Variants in ECPAS observed in about 807,000 individuals in gnomAD.
ECPAS encodes the protein Ecm29 proteasome adaptor and scaffold.
ECPAS carries 70 observed loss-of-function variants against 255.1 expected under a neutral mutation model. The ratio of observed to expected loss-of-function variants is 0.27; its 90% confidence interval spans 0.23 to 0.33. ECPAS has a LOEUF of 0.33. Ranked by LOEUF, ECPAS falls within the 10% of genes least tolerant of loss-of-function variation. The pLI is 1.00. For synonymous variants in ECPAS, 784 were observed against 775.0 expected (o/e 1.01, Z -0.19); for missense variants, 1,817 against 2,206.4 (o/e 0.82, Z 3.54).
chr9:111,478,092 G>T (rs1000835705), intron 1 of ECPAS, among the ~76,000 whole-genome samples: 7 of 151,090 alleles, frequency 4.6e-5, no homozygotes, highest in Non-Finnish European at 1.0e-4. Context: ...GTAGTAACAG[G>T]GTTTCACCAT....
At chr9:111,468,628 TGAGAGAGAGA>T (rs199930694) in intron 2 of ECPAS, among the ~76,000 whole-genome samples, 2 of 139,966 alleles carry the variant, frequency 1.4e-5, no homozygotes, top group African/African-American at 2.6e-5. Context: ...AGAGAGTGAG[TGAGAGAGAGA>T]GAGAGAGAGA....
At position 111,416,356 on chromosome 9, in the gene ECPAS, A is replaced by G. The variant is rs1320885132; in HGVS notation, c.1684-4T>C. 1 of 1,611,554 alleles carries G rather than the reference A, an allele frequency of 6.2e-7. No homozygotes were observed. Among genetic ancestry groups the G allele is most frequent in the East Asian group, 2.2e-5 (1 of 44,838 alleles). ...GAGTTTTCATTCGATGAGAAGCCTA[A>G]GTTTAAAAAGTCCAAAACAGACACA... On this transcript the variant is annotated splice_region_variant and splice_polypyrimidine_tract_variant and intron_variant, in intron 17 of 49. Transcript: ENST00000684092.
At chr9:111,453,478 T>C (rs531177860) in intron 2 of ECPAS, among the ~76,000 whole-genome samples, 24 of 151,992 alleles carry the variant, frequency 1.6e-4, no homozygotes, top group African/African-American at 5.3e-4. Flanking sequence ...CAAAATAATA[T>C]ATGTGGCTAT....
chr9:111,378,634 TACA>T lies in ECPAS; in HGVS notation c.3897_3899del (p.Ser1299_Val1300delinsArg), dbSNP rs750678591. ...AATAATTGAGAACTTGGGGCTCCAA[TACA>T]CTTAAGGACTCTAGCAGAGCTGGAA... On this transcript the variant is annotated inframe_deletion, in exon 36 of 50. Transcript: ENST00000684092. 6.2e-7 allele frequency: 1 copy of T among 1,613,818 alleles called. No individual in the cohort carries two copies. Among genetic ancestry groups the T allele is most frequent in the Admixed American group, 1.7e-5 (1 of 60,022 alleles).
Position 111,417,926 on chromosome 9 carries a change from T to C in ECPAS, c.1640A>G (p.Gln547Arg). 1 of 1,591,680 alleles carries C rather than the reference T, an allele frequency of 6.3e-7. No homozygotes were observed. Among genetic ancestry groups the C allele is most frequent in the Non-Finnish European group, 8.6e-7 (1 of 1,167,960 alleles). ...AACCATTTCTGGGAAGGAAGGCATC[T>C]GCTCAGAAGTACTTTCTTTTCTGTT... ...GRNRKESTSE[Q>R]MPSFPEMVYY... is the part of the protein sequence containing the mutation. The change falls in exon 17 of 50, where the codon CAG (glutamine) becomes CGG (arginine). Residue 547 changes from glutamine (Q) to arginine (R), a missense_variant. By Grantham distance (43) the Gln-to-Arg change is conservative. Transcript: ENST00000684092.
At chr9:111,421,409 A>ATGTGTGTGTGTG (rs71372622) in intron 15 of ECPAS, among the ~76,000 whole-genome samples, 23 of 143,432 alleles carry the variant, frequency 1.6e-4, no homozygotes, top group South Asian at 4.5e-4. Flanking sequence ...TATTACATAT[A>ATGTGTGTGTGTG]TGTGTGTGTG....
intron 48 of ECPAS, among the ~76,000 whole-genome samples, chr9:111,364,573 T>C (rs772644958): frequency 6.6e-5 from 10 of 152,072 alleles, no homozygotes; most frequent in South Asian, 2.1e-4. Flanking sequence ...TTAGTAAAAA[T>C]TGGTTCAGGG....
intron 31 of ECPAS, among the ~76,000 whole-genome samples, chr9:111,388,258 A>T (rs921013141): frequency 2.0e-5 from 3 of 151,202 alleles, no homozygotes; most frequent in Admixed American, 1.3e-4. Context: ...TCTCATCCAC[A>T]CTTGTGGCTT....
chr9:111,433,300 T>A lies in ECPAS; in HGVS notation c.781A>T (p.Ile261Phe). 1 of 1,613,990 alleles carries A rather than the reference T, an allele frequency of 6.2e-7. No homozygotes were observed. The highest frequency in any genetic ancestry group is 2.2e-5 in the East Asian group (1 of 44,882). The change falls in exon 8 of 50, where the codon ATT becomes TTT. Residue 261 changes from isoleucine (I) to phenylalanine (F), a missense_variant. By Grantham distance (21) the Ile-to-Phe change is conservative. Around this residue, in one of 4 missense-constraint regions of ECPAS, gnomAD observed 573 missense variants for 716.2 expected, o/e 0.80. Coordinates refer to ENST00000684092, the MANE Select transcript of ECPAS (RefSeq NM_001364929.1). ...PELEAVLHLV[I>F]ASSDTRHSVA... Reference sequence around the variant, plus strand: ...CTGTGGCGTGTATCACTAGAGGCAATCACCAAGTGGAGAACAGCTTCAAGT... The same window carrying A: ...CTGTGGCGTGTATCACTAGAGGCAAACACCAAGTGGAGAACAGCTTCAAGT...
chr9:111,463,135 T>C (rs951133799), intron 2 of ECPAS, among the ~76,000 whole-genome samples: 25 of 152,210 alleles, frequency 1.6e-4, no homozygotes. Context: ...GTTTCTCACT[T>C]AGACCATGCC....
At chr9:111,465,984 G>A (rs35038820) in intron 2 of ECPAS, among the ~76,000 whole-genome samples, 30 of 151,678 alleles carry the variant, frequency 2.0e-4, no homozygotes, top group Non-Finnish European at 2.8e-4. Context: ...CAGTGAGCTA[G>A]ATCATGCCTC....
At chr9:111,432,892 C>G (rs983456028) in intron 8 of ECPAS, among the ~76,000 whole-genome samples, 5 of 152,020 alleles carry the variant, frequency 3.3e-5, no homozygotes, top group African/African-American at 1.2e-4. Flanking sequence ...AAAGTAATCT[C>G]GAATGGTTTG....
chr9:111,472,595 G>T (rs2098290105), intron 2 of ECPAS, among the ~76,000 whole-genome samples: 2 of 149,996 alleles, frequency 1.3e-5, no homozygotes, highest in South Asian at 4.2e-4. Context: ...AGCCATGACT[G>T]CCCCACTGCA....
chr9:111,459,579 C>G (rs1338636456), intron 2 of ECPAS, among the ~76,000 whole-genome samples: 7 of 152,024 alleles, frequency 4.6e-5, no homozygotes, highest in Admixed American at 1.3e-4. Flanking sequence ...TTACTACCAC[C>G]AAAGGAAAAC....
intron 27 of ECPAS, 68 bp downstream of exon 27, chr9:111,393,612 A>G (rs2098163418): frequency 1.1e-5 from 11 of 1,028,076 alleles, no homozygotes; most frequent in Non-Finnish European, 1.5e-5. Context: ...CATGTTCATT[A>G]ATCCAGGTTT....
At chr9:111,411,623 G>A (rs1757881106) in intron 21 of ECPAS, 1 of 178,682 alleles carries the variant, frequency 5.6e-6, no homozygotes, top group Admixed American at 5.9e-5. Context: ...ACTGGCAGCA[G>A]TAGATGAGGA....
At chr9:111,438,040 C>A (rs1460683569) in intron 6 of ECPAS, among the ~76,000 whole-genome samples, 1 of 152,018 alleles carries the variant, frequency 6.6e-6, no homozygotes, top group Non-Finnish European at 1.5e-5. Flanking sequence ...CATTCAATTC[C>A]TAAATTTATC....
chr9:111,408,515 A>C, intron 24 of ECPAS, 56 bp downstream of exon 24: 1 of 1,158,056 alleles, frequency 8.6e-7, no homozygotes, highest in Non-Finnish European at 1.2e-6. Flanking sequence ...TAAAAAAAAA[A>C]AAAAGACCAA....
intron 2 of ECPAS, among the ~76,000 whole-genome samples, chr9:111,461,907 T>C (rs773090976): frequency 2.6e-5 from 4 of 152,188 alleles, no homozygotes; most frequent in Non-Finnish European, 5.9e-5. Context: ...CAAACTCCCG[T>C]TTCTGAAACC....
Sources: gnomAD v4.1 joint callset for allele counts (sites outside exome capture counted in the v4.1 genomes callset) on GRCh38, gnomAD v4.1.1 for gene constraint, gnomAD v4.1.1 regional missense constraint, MANE v1.5 for transcripts, NCBI Gene and HGNC (gene_info 2026-07-23, HGNC 2026-07-21) for gene names.